C3orf85: variants seen among roughly 807,000 people sequenced by gnomAD.
C3orf85 encodes chromosome 3 open reading frame 85, also known as uncharacterized protein C3orf85.
Under a neutral mutation model 1.7 loss-of-function variants are expected in C3orf85, and 1 was observed. The ratio of observed to expected loss-of-function variants is 0.60; its 90% CI spans 0.21 to 2.86. C3orf85 has a LOEUF of 2.86. Among genes scored for constraint, C3orf85 ranks in the 30% most tolerant of loss-of-function variants. The pLI, the probability that C3orf85 is intolerant of heterozygous loss-of-function variation, is 0.22. For missense variants in C3orf85, 29 were observed against 21.3 expected (o/e 1.36, Z -0.72); for synonymous variants, 17 against 8.0 (o/e 2.13, Z -1.90).
chr3:109,142,647 G>T, intron 2 of C3orf85, among the ~76,000 whole-genome samples: 2 of 151,486 alleles, frequency 1.3e-5, no homozygotes, highest in Non-Finnish European at 2.9e-5. Flanking sequence ...GAAATAATTC[G>T]GTTGTGCCTA....
intron 2 of C3orf85, among the ~76,000 whole-genome samples, chr3:109,147,657 C>A (rs1259238272): frequency 2.0e-5 from 3 of 151,978 alleles, no homozygotes; most frequent in Non-Finnish European, 2.9e-5. Context: ...GAAGGAGTTG[C>A]AAAATACAAG....
chr3:109,145,548 C>T (rs894270267), intron 2 of C3orf85, among the ~76,000 whole-genome samples: 1 of 152,052 alleles, frequency 6.6e-6, no homozygotes, highest in Admixed American at 6.6e-5. Flanking sequence ...AGATGGATAG[C>T]GGTGATGGTT....
intron 2 of C3orf85, among the ~76,000 whole-genome samples, chr3:109,138,445 T>C (rs1475555621): frequency 2.0e-5 from 3 of 152,234 alleles, no homozygotes; most frequent in Non-Finnish European, 4.4e-5. Flanking sequence ...AAGTAGTAGC[T>C]TGAATGAACT....
chr3:109,141,919 C>T (rs1271778284), intron 2 of C3orf85, among the ~76,000 whole-genome samples: 1 of 152,128 alleles, frequency 6.6e-6, no homozygotes, highest in Non-Finnish European at 1.5e-5. Context: ...ATCCCAGCTA[C>T]TCGGGAGGCT....
chr3:109,136,997 A>G (rs1412163171), intron 2 of C3orf85, 101 bp downstream of exon 2: 7 of 397,228 alleles, frequency 1.8e-5, no homozygotes, highest in Non-Finnish European at 3.1e-5. Context: ...GTTTTTATCC[A>G]TAGGCCTATT....
At chr3:109,145,924 T>C (rs1706792535) in intron 2 of C3orf85, among the ~76,000 whole-genome samples, 1 of 152,196 alleles carries the variant, frequency 6.6e-6, no homozygotes, top group South Asian at 2.1e-4. Context: ...CAGCCTAGAA[T>C]ACATGCGCTT....
chr3:109,141,720 T>A (rs567462599), intron 2 of C3orf85, among the ~76,000 whole-genome samples: 1 of 152,336 alleles, frequency 6.6e-6, no homozygotes, highest in Admixed American at 6.5e-5. Context: ...AAAATAGCTA[T>A]GCCATTGTGT....
At chr3:109,137,341 C>G (rs1706689093) in intron 2 of C3orf85, among the ~76,000 whole-genome samples, 1 of 151,890 alleles carries the variant, frequency 6.6e-6, no homozygotes, top group Non-Finnish European at 1.5e-5. Context: ...AAGGAAGGCA[C>G]CAGAGGCCAG....
intron 2 of C3orf85, among the ~76,000 whole-genome samples, chr3:109,139,539 C>T (rs1706720525): frequency 6.6e-6 from 1 of 152,060 alleles, no homozygotes; most frequent in South Asian, 2.1e-4. Flanking sequence ...TCTAAGTGAA[C>T]CAACTTTTGA....
At chr3:109,139,005 C>A (rs887069577) in intron 2 of C3orf85, among the ~76,000 whole-genome samples, 2 of 152,180 alleles carry the variant, frequency 1.3e-5, no homozygotes, top group Admixed American at 6.5e-5. Flanking sequence ...GTGTCAGGGA[C>A]TTTGCATAGG....
In C3orf85 at chr3:109,148,282, G is replaced by A. The variant is rs1213971891; in HGVS notation, c.79G>A (p.Asp27Asn). Residue 27 changes from aspartate (D) to asparagine (N), a missense_variant, in exon 3 of 4, where the codon GAC becomes AAC. Physicochemically the swap from Asp to Asn is conservative, Grantham distance 23. Transcript: ENST00000622536. ...ATTGGGAGCGCCATTTTTGTTGGAAGACCCTGCAAACCAGTTCCTACGTCT... is the reference window on the plus strand; with the variant it reads ...ATTGGGAGCGCCATTTTTGTTGGAAAACCCTGCAAACCAGTTCCTACGTCT... Reference protein sequence around the residue: ...GALGAPFLLEDPANQFLRLKR... With the variant: ...GALGAPFLLENPANQFLRLKR... The A allele has an allele frequency of 4.3e-6, 3 of 702,196 alleles. No homozygotes were observed. Among genetic ancestry groups the A allele is most frequent in the Non-Finnish European group, 7.8e-6 (3 of 384,608 alleles). 43.5% of individuals were successfully genotyped at this position (702,196 alleles called of 1,614,324 possible). A position where few individuals can be genotyped will look rare whatever the true frequency, so the allele number is the denominator to read the frequency against.
chr3:109,137,070 C>CTGTG (rs3054419), intron 2 of C3orf85, among the ~76,000 whole-genome samples, 174 bp downstream of exon 2: 30,202 of 149,692 alleles, frequency 0.2, 3,235 homozygotes, highest in Middle Eastern at 0.32. Context: ...TTAATGTTAA[C>CTGTG]TGTGTGTGTG....
At chr3:109,140,061 G>C (rs969281838) in intron 2 of C3orf85, among the ~76,000 whole-genome samples, 8 of 152,140 alleles carry the variant, frequency 5.3e-5, no homozygotes, top group South Asian at 2.1e-4. Flanking sequence ...TAGAGATTCT[G>C]TATTCTCTGA....
At chr3:109,136,948 G>T in intron 2 of C3orf85, 52 bp downstream of exon 2, 1 of 403,358 alleles carries the variant, frequency 2.5e-6, no homozygotes, top group South Asian at 1.2e-4. Context: ...CCATCAGGTT[G>T]ATAATTCCTT....
At chr3:109,137,962 TC>T (rs1706699021) in intron 2 of C3orf85, among the ~76,000 whole-genome samples, 2 of 152,082 alleles carry the variant, frequency 1.3e-5, no homozygotes, top group African/African-American at 2.4e-5. Context: ...TGACCACTGA[TC>T]CGTGCAGTTG....
rs1382211345 is a variant in C3orf85 at position 109,150,491 on chromosome 3, C to T, written c.*597C>T. The T allele has an allele frequency of 6.6e-6, 1 of 152,138 alleles. No individual in the cohort carries two copies. The highest frequency in any genetic ancestry group is 1.5e-5 in the Non-Finnish European group (1 of 68,024). 9.4% of individuals were successfully genotyped at this position (152,138 alleles called of 1,614,324 possible). A position where few individuals can be genotyped will look rare whatever the true frequency, so the allele number is the denominator to read the frequency against. Reference sequence around the variant, plus strand: ...TTCACTTGTAAGTGCAAACTTCTTCCAAGTTTTGTAAAATTTTTGTAAGCT... The same window carrying T: ...TTCACTTGTAAGTGCAAACTTCTTCTAAGTTTTGTAAAATTTTTGTAAGCT... On this transcript the variant is annotated 3_prime_UTR_variant, in exon 4 of 4. Coordinates refer to ENST00000622536, the MANE Select transcript of C3orf85 (RefSeq NM_001351622.2).
intron 1 of C3orf85, 47 bp downstream of exon 1, chr3:109,136,788 T>G (rs984241924): frequency 3.7e-5 from 15 of 405,098 alleles, no homozygotes; most frequent in African/African-American, 2.9e-4. Context: ...TGATATACCC[T>G]AAGGCTTTTT....
At chr3:109,138,568 A>G (rs1051314424) in intron 2 of C3orf85, among the ~76,000 whole-genome samples, 1 of 151,904 alleles carries the variant, frequency 6.6e-6, no homozygotes, top group Non-Finnish European at 1.5e-5. Context: ...TTTAAAGTTT[A>G]TTTTCATGTT....
At chr3:109,143,139 G>C (rs1281098676) in intron 2 of C3orf85, among the ~76,000 whole-genome samples, 1 of 152,198 alleles carries the variant, frequency 6.6e-6, no homozygotes, top group Admixed American at 6.5e-5. Flanking sequence ...GGGGTGAAGA[G>C]GGGCCTAGGC....
Sources: gnomAD v4.1 joint callset for allele counts (sites outside exome capture counted in the v4.1 genomes callset) on GRCh38, gnomAD v4.1.1 for gene constraint, MANE v1.5 for transcripts, NCBI Gene and HGNC (gene_info 2026-07-23, HGNC 2026-07-21) for gene names.